The following IMMP2L variants were observed in gnomAD, a reference collection of about 807,000 sequenced individuals.
IMMP2L encodes inner mitochondrial membrane peptidase subunit 2.
In IMMP2L, 18 loss-of-function variants were observed where a neutral mutation model predicts 19.3. The observed-to-expected ratio is 0.93, with a 90% CI of 0.64 to 1.38. IMMP2L has a LOEUF of 1.38. IMMP2L is among the 40% of genes most tolerant of loss of function. The probability of loss-of-function intolerance (pLI) is 0.00; values close to 1 mark genes in which losing one functional copy is unlikely to be tolerated. For synonymous variants in IMMP2L, 76 were observed against 73.0 expected, an observed-to-expected ratio of 1.04 and a Z score of -0.21; for missense variants, 233 against 218.2, an observed-to-expected ratio of 1.07 and a Z score of -0.43.
At chr7:111,302,401 C>T (rs1822354375) in intron 3 of IMMP2L, among the ~76,000 whole-genome samples, 2 of 152,026 alleles carry the variant, frequency 1.3e-5, no homozygotes, top group African/African-American at 2.4e-5. Flanking sequence ...TAGAATAGTG[C>T]TTGACGTCCC....
Position 111,123,818 on chromosome 7 carries a change from T to G in IMMP2L, c.240-160253A>C. ...CTGAACAGCAATGCTCTCAGTGCCC[T>G]GTACCATGGTACCATTGAGTCTCTG... On this transcript the variant is annotated intron_variant, in intron 3 of 5. Transcript: ENST00000405709. The surrounding 1 kb of genome is among the most constrained non-coding windows in gnomAD (Gnocchi z 6.4). The G allele has an allele frequency of 6.2e-7, 1 of 1,614,034 alleles. No individual in the cohort carries two copies.
chr7:111,496,842 C>A (rs2132379067), intron 2 of IMMP2L, among the ~76,000 whole-genome samples: 1 of 152,168 alleles, frequency 6.6e-6, no homozygotes, highest in African/African-American at 2.4e-5. Flanking sequence ...AACTTCTTAG[C>A]CTCCATGATC....
intron 5 of IMMP2L, among the ~76,000 whole-genome samples, chr7:110,678,728 T>C (rs906417337): frequency 6.6e-6 from 1 of 152,106 alleles, no homozygotes; most frequent in Non-Finnish European, 1.5e-5. Flanking sequence ...CAAAGTTAGC[T>C]CTAAAGGATG....
intron 3 of IMMP2L, among the ~76,000 whole-genome samples, chr7:111,237,534 TATTA>T (rs1327942438): frequency 6.6e-6 from 1 of 152,048 alleles, no homozygotes; most frequent in Non-Finnish European, 1.5e-5. Flanking sequence ...TAATGGTTAA[TATTA>T]ATTTTAATAA....
At chr7:111,437,969 C>T (rs573792671) in intron 3 of IMMP2L, among the ~76,000 whole-genome samples, 1 of 151,948 alleles carries the variant, frequency 6.6e-6, no homozygotes, top group African/African-American at 2.4e-5. Flanking sequence ...GTGATGCAAA[C>T]CCTCTCTAGG....
At chr7:111,452,196 C>G (rs974820434) in intron 3 of IMMP2L, among the ~76,000 whole-genome samples, 1 of 152,114 alleles carries the variant, frequency 6.6e-6, no homozygotes, top group Non-Finnish European at 1.5e-5. Context: ...GTATAATCTA[C>G]CATGACTATA....
At chr7:110,664,239 A>AT (rs1448983544) in intron 5 of IMMP2L, among the ~76,000 whole-genome samples, 5 of 152,036 alleles carry the variant, frequency 3.3e-5, no homozygotes, top group Admixed American at 6.6e-5. Context: ...AGTCCTAAAA[A>AT]ATATATATAT....
chr7:110,785,120 T>C (rs1799983241), intron 5 of IMMP2L, among the ~76,000 whole-genome samples: 1 of 151,902 alleles, frequency 6.6e-6, no homozygotes. Context: ...AAAATTACAG[T>C]AGGAGGTGGT....
intron 3 of IMMP2L, among the ~76,000 whole-genome samples, chr7:111,396,284 T>A (rs1309824481): frequency 2.0e-5 from 3 of 151,882 alleles, no homozygotes; most frequent in African/African-American, 7.3e-5. Flanking sequence ...ATAAACCGGA[T>A]AAAGAAAATG....
chr7:110,827,541 T>G (rs1475244609), intron 5 of IMMP2L, among the ~76,000 whole-genome samples: 1 of 152,138 alleles, frequency 6.6e-6, no homozygotes, highest in Non-Finnish European at 1.5e-5. Flanking sequence ...CACAATCAAC[T>G]GGGGAGACAA....
chr7:110,823,524 C>T (rs1303752100), intron 5 of IMMP2L, among the ~76,000 whole-genome samples: 2 of 151,784 alleles, frequency 1.3e-5, no homozygotes, highest in Admixed American at 6.6e-5. Context: ...AAAAGTTTAT[C>T]CTAAAGACAA....
At chr7:111,321,413 C>G (rs1290242715) in intron 3 of IMMP2L, among the ~76,000 whole-genome samples, 6 of 151,824 alleles carry the variant, frequency 4.0e-5, no homozygotes, top group Non-Finnish European at 8.8e-5. Context: ...TTTGAGTGCT[C>G]CTGAGAAGCT....
chr7:111,203,023 T>C (rs1003392245), intron 3 of IMMP2L, among the ~76,000 whole-genome samples: 4 of 152,292 alleles, frequency 2.6e-5, no homozygotes, highest in Non-Finnish European at 4.4e-5. Context: ...AAATAGGCCA[T>C]TGGCCATCCA....
At chr7:111,039,892 A>C (rs1489608799) in intron 3 of IMMP2L, among the ~76,000 whole-genome samples, 1 of 152,298 alleles carries the variant, frequency 6.6e-6, no homozygotes, top group East Asian at 1.9e-4. Context: ...TGGACTGGGC[A>C]GGGTGGTTCA....
At chr7:111,239,787 T>C (rs1814785217) in intron 3 of IMMP2L, among the ~76,000 whole-genome samples, 1 of 151,952 alleles carries the variant, frequency 6.6e-6, no homozygotes, top group South Asian at 2.1e-4. Context: ...CCAAATCAAC[T>C]GATTTTGTTT....
intron 3 of IMMP2L, among the ~76,000 whole-genome samples, chr7:111,231,473 C>T (rs917353533): frequency 6.6e-6 from 1 of 151,872 alleles, no homozygotes; most frequent in African/African-American, 2.4e-5. Context: ...AATCACGCAC[C>T]GGATCTCAGC....
At chr7:110,772,985 C>T (rs1005761600) in intron 5 of IMMP2L, among the ~76,000 whole-genome samples, 5 of 151,688 alleles carry the variant, frequency 3.3e-5, no homozygotes, top group Non-Finnish European at 7.4e-5. Flanking sequence ...CAAATGTATA[C>T]TACCCTTAAA....
intron 5 of IMMP2L, among the ~76,000 whole-genome samples, chr7:110,681,624 A>T (rs1257226439): frequency 6.6e-6 from 1 of 152,194 alleles, no homozygotes; most frequent in Non-Finnish European, 1.5e-5. Context: ...TACTCAACAC[A>T]ACAGATATGC....
chr7:111,420,156 A>AT (rs1275990090), intron 3 of IMMP2L, among the ~76,000 whole-genome samples: 6 of 151,802 alleles, frequency 4.0e-5, no homozygotes, highest in Non-Finnish European at 5.9e-5. Flanking sequence ...TTTTATATTC[A>AT]TTTTTTCTGA....
Sources: allele counts gnomAD v4.1 joint callset (sites outside exome capture counted in the v4.1 genomes callset), GRCh38; gene constraint gnomAD v4.1.1; non-coding constraint Gnocchi (gnomAD v3.1); transcripts MANE v1.5; gene names NCBI Gene and HGNC (gene_info 2026-07-23, HGNC 2026-07-21).